Variants in ERICH1 observed in about 807,000 individuals in gnomAD.
ERICH1 encodes glutamate rich 1.
Under a neutral mutation model 39.6 loss-of-function variants are expected in ERICH1, and 56 were observed. That is an observed-to-expected ratio of 1.41 (90% CI 1.14 to 1.77). ERICH1 has a LOEUF of 1.77. Among genes scored for constraint, ERICH1 ranks in the 40% most tolerant of loss-of-function variants. The pLI is 0.00. For synonymous variants in ERICH1, 313 were observed against 223.6 expected (o/e 1.40, Z -3.57); for missense variants, 826 against 575.4 (o/e 1.44, Z -4.45).
chr8:686,037 G>A (rs890830709), intron 3 of ERICH1, among the ~76,000 whole-genome samples: 3 of 151,082 alleles, frequency 2.0e-5, no homozygotes, highest in Non-Finnish European at 4.4e-5. Context: ...GTGCGCACCT[G>A]TGGTCCCAGC....
chr8:730,400 G>C (rs191835921), intron 1 of ERICH1, among the ~76,000 whole-genome samples: 188 of 152,208 alleles, frequency 1.2e-3, no homozygotes, highest in African/African-American at 4.3e-3. Flanking sequence ...TAAACATAGA[G>C]AAGGAAAAAA....
At chr8:642,742 C>G (rs1195243847) in intron 3 of ERICH1, among the ~76,000 whole-genome samples, 1 of 152,040 alleles carries the variant, frequency 6.6e-6, no homozygotes. Context: ...AGGCGCTGGC[C>G]CTCTTCTTGT....
rs374458414 is a variant in ERICH1, at chr8:674,077, T to G, written c.305-30A>C. ...TAAAAAAATTCAAATATAACAATTTTCAGTACAATGAAACCATAACAAACA... is the reference window on the plus strand; with the variant it reads ...TAAAAAAATTCAAATATAACAATTTGCAGTACAATGAAACCATAACAAACA... On this transcript the variant is annotated intron_variant, in intron 3 of 5. Coordinates refer to ENST00000262109, the MANE Select transcript of ERICH1 (RefSeq NM_207332.3). 44 of 1,510,666 alleles carry G rather than the reference T, an allele frequency of 2.9e-5. No homozygotes were observed. The African/African-American group carries it at 5.6e-4, about 19-fold the overall frequency. 93.6% of individuals were successfully genotyped at this position (1,510,666 alleles called of 1,614,324 possible).
Position 668,796 on chromosome 8 carries a change from C to A in ERICH1, c.1064-4G>T, listed in dbSNP as rs763255357. 2 of 1,581,984 alleles carry A rather than the reference C, an allele frequency of 1.3e-6. No individual in the cohort carries two copies. Among genetic ancestry groups the A allele is most frequent in the Admixed American group, 3.8e-5 (2 of 53,328 alleles). ...GAAGCTGCATCTCTGGAGACACCTA[C>A]ATAAAGTCAGTTTTGCTTGGAAATA... On this transcript the variant is annotated splice_polypyrimidine_tract_variant and splice_region_variant and intron_variant, in intron 4 of 5. Coordinates refer to ENST00000262109, the MANE Select transcript of ERICH1 (RefSeq NM_207332.3).
At chr8:643,675 C>T (rs977792113) in intron 3 of ERICH1, among the ~76,000 whole-genome samples, 1 of 152,198 alleles carries the variant, frequency 6.6e-6, no homozygotes, top group Admixed American at 6.5e-5. Flanking sequence ...AGCGATGGGA[C>T]AGCATCTGGA....
rs1386027625 is a variant in ERICH1, at chr8:664,509, T to C, written c.*94A>G. ...ATAAATAATATGGCATAAATGTCTTTCAAGTTCCCAGAGAACTAACTCTAA... is the reference window on the plus strand; with the variant it reads ...ATAAATAATATGGCATAAATGTCTTCCAAGTTCCCAGAGAACTAACTCTAA... On this transcript the variant is annotated 3_prime_UTR_variant, in exon 6 of 6. Coordinates refer to ENST00000262109, the MANE Select transcript of ERICH1 (RefSeq NM_207332.3). 37 of 1,428,300 alleles carry C rather than the reference T, an allele frequency of 2.6e-5. No homozygotes were observed. Among genetic ancestry groups the C allele is most frequent in the Non-Finnish European group, 3.1e-5 (34 of 1,086,158 alleles). The allele number at this position is 1,428,300 out of a possible 1,614,324, so 88.5% of individuals were successfully genotyped here.
At chr8:664,723 G>T (rs1411728254) in intron 5 of ERICH1, 47 bp from the exon 6 acceptor site, 1 of 1,491,180 alleles carries the variant, frequency 6.7e-7, no homozygotes, top group Admixed American at 1.8e-5. Context: ...AAGACAAAAA[G>T]AAAAATCATA....
At chr8:636,893 C>T (rs1328719516) in intron 3 of ERICH1, among the ~76,000 whole-genome samples, 1 of 152,164 alleles carries the variant, frequency 6.6e-6, no homozygotes, top group African/African-American at 2.4e-5. Context: ...GCCTGCACAG[C>T]CCACTTTCTG....
At chr8:720,417 T>C (rs1043903165) in intron 1 of ERICH1, among the ~76,000 whole-genome samples, 1 of 152,238 alleles carries the variant, frequency 6.6e-6, no homozygotes. Context: ...ATAACTGGGA[T>C]AATCAGGATG....
At chr8:713,401 T>C (rs997603958) in intron 2 of ERICH1, among the ~76,000 whole-genome samples, 16 of 152,346 alleles carry the variant, frequency 1.1e-4, no homozygotes, top group South Asian at 2.1e-4. Flanking sequence ...CACTGGGAGC[T>C]TGTACCATTT....
At chr8:687,195 A>G (rs894266900) in intron 3 of ERICH1, among the ~76,000 whole-genome samples, 1 of 152,232 alleles carries the variant, frequency 6.6e-6, no homozygotes, top group Non-Finnish European at 1.5e-5. Flanking sequence ...ACAGCTCTCC[A>G]CAGAAATGAC....
intron 5 of ERICH1, among the ~76,000 whole-genome samples, chr8:665,542 G>A (rs1421090454): frequency 6.6e-6 from 1 of 152,230 alleles, no homozygotes; most frequent in Non-Finnish European, 1.5e-5. Flanking sequence ...CAAGTTGCCT[G>A]AGCTCTAGAA....
chr8:706,406 A>C (rs550733047), intron 2 of ERICH1, among the ~76,000 whole-genome samples: 1 of 152,330 alleles, frequency 6.6e-6, no homozygotes, highest in Non-Finnish European at 1.5e-5. Context: ...AAAAAGAATA[A>C]AATACTTTGG....
At chr8:701,166 G>T (rs1243068323) in intron 2 of ERICH1, among the ~76,000 whole-genome samples, 1 of 152,242 alleles carries the variant, frequency 6.6e-6, no homozygotes, top group East Asian at 1.9e-4. Context: ...CAGGTGGACG[G>T]GTCTGCCCCG....
At chr8:699,355 G>A (rs1005064870) in intron 2 of ERICH1, among the ~76,000 whole-genome samples, 6 of 152,258 alleles carry the variant, frequency 3.9e-5, no homozygotes, top group South Asian at 2.1e-4. Flanking sequence ...CTGTCCCAGC[G>A]GCCTTCTTCT....
chr8:674,895 G>C (rs1040349755), intron 3 of ERICH1, among the ~76,000 whole-genome samples: 1 of 152,196 alleles, frequency 6.6e-6, no homozygotes, highest in African/African-American at 2.4e-5. Context: ...TCTCGGAAAA[G>C]TCCTGAGTCC....
At chr8:617,401 T>A (rs1796987782) in intron 3 of ERICH1, among the ~76,000 whole-genome samples, 1 of 152,198 alleles carries the variant, frequency 6.6e-6, no homozygotes, top group African/African-American at 2.4e-5. Flanking sequence ...GATCACTCCC[T>A]GTCATCTACT....
chr8:702,249 C>T (rs1812320072), intron 2 of ERICH1, among the ~76,000 whole-genome samples: 1 of 152,154 alleles, frequency 6.6e-6, no homozygotes, highest in Non-Finnish European at 1.5e-5. Flanking sequence ...AGCTTGGTAG[C>T]GTGCATTGAA....
intron 3 of ERICH1, among the ~76,000 whole-genome samples, chr8:684,827 G>A (rs1182940504): frequency 1.3e-5 from 2 of 152,174 alleles, no homozygotes; most frequent in African/African-American, 2.4e-5. Flanking sequence ...TTTTATTAGC[G>A]ATTTTCAAAG....
Sources: gnomAD v4.1 joint callset for allele counts (sites outside exome capture counted in the v4.1 genomes callset) on GRCh38, gnomAD v4.1.1 for gene constraint, MANE v1.5 for transcripts, NCBI Gene and HGNC (gene_info 2026-07-23, HGNC 2026-07-21) for gene names.